PACSIN1: variants seen among roughly 807,000 people sequenced by gnomAD.
PACSIN1 encodes protein kinase C and casein kinase substrate in neurons protein 1.
In PACSIN1, 15 loss-of-function variants were observed where a neutral mutation model predicts 59.5. The ratio of observed to expected loss-of-function variants is 0.25; its 90% confidence interval spans 0.17 to 0.39. The LOEUF (loss-of-function observed/expected upper bound fraction) is 0.39. Ranked by LOEUF, PACSIN1 falls within the 10% of genes least tolerant of loss-of-function variation. PACSIN1 has a pLI of 1.00. For synonymous variants in PACSIN1, 210 were observed against 220.6 expected, an observed-to-expected ratio of 0.95 and a Z score of 0.42; for missense variants, 420 against 580.2, an observed-to-expected ratio of 0.72 and a Z score of 2.84.
In PACSIN1 at chr6:34,529,600, G is replaced by A. The variant is rs1581987984; in HGVS notation, c.612+48G>A. On this transcript the variant is annotated intron_variant, in intron 5 of 9. Coordinates refer to ENST00000244458, the MANE Select transcript of PACSIN1 (RefSeq NM_020804.5). The surrounding 1 kb of genome is among the most constrained non-coding windows in gnomAD (Gnocchi z 6.3). ...GTAGGGGGTCTGGGGGCCCCTTGCA[G>A]AGGGTGGTGGCTGGGAGCTGCAGGC... is the stretch of plus-strand genomic sequence containing the variant. The A allele has an allele frequency of 6.2e-7, 1 of 1,612,752 alleles. No homozygotes were observed. Among genetic ancestry groups the A allele is most frequent in the Non-Finnish European group, 8.5e-7 (1 of 1,178,870 alleles).
In PACSIN1 at chr6:34,516,452, C is replaced by T. The variant is rs1053603346; in HGVS notation, c.-63-9791C>T. Among the ~76,000 whole-genome samples, 11 of 152,148 alleles carry T rather than the reference C, an allele frequency of 7.2e-5. No homozygotes were observed. The highest frequency in any genetic ancestry group is 1.3e-4 in the Admixed American group (2 of 15,292). On this transcript the variant is annotated intron_variant, in intron 1 of 9. Coordinates refer to ENST00000244458, the MANE Select transcript of PACSIN1 (RefSeq NM_020804.5). The surrounding 1 kb of genome is among the most constrained non-coding windows in gnomAD (Gnocchi z 5.4). ...CTGACACTGCCTGCCCCTGCTCCTC[C>T]GAACCCCGCACTCTCCTCCTTCCTG...
At chr6:34,477,188 A>G (rs1019865498) in intron 1 of PACSIN1, among the ~76,000 whole-genome samples, 5 of 152,126 alleles carry the variant, frequency 3.3e-5, no homozygotes, top group African/African-American at 7.2e-5. Context: ...TTTGCAAAAC[A>G]TATGCAAATA....
At chr6:34,466,511 G>T (rs956950258) in intron 1 of PACSIN1, among the ~76,000 whole-genome samples, 32 of 152,302 alleles carry the variant, frequency 2.1e-4, no homozygotes, top group African/African-American at 7.5e-4. Flanking sequence ...TTGGGGGAGC[G>T]AGCTGGCATC....
At chr6:34,508,555 C>G (rs1433698097) in intron 1 of PACSIN1, among the ~76,000 whole-genome samples, 1 of 152,334 alleles carries the variant, frequency 6.6e-6, no homozygotes, top group East Asian at 1.9e-4. Context: ...GCGTGAGTCA[C>G]TGTGCCCAGC....
At position 34,529,235 on chromosome 6, in the gene PACSIN1, C is replaced by T. The variant is rs957708323; in HGVS notation, c.457-162C>T. Among the ~76,000 whole-genome samples, 2 of 151,952 alleles carry T rather than the reference C, an allele frequency of 1.3e-5. No individual in the cohort carries two copies. The highest frequency in any genetic ancestry group is 6.6e-5 in the Admixed American group (1 of 15,264). ...AGAGACGCAGCCACAAATGGAGGAG[C>T]GCTGCTCCCGAACACCTGGAGCCAG... On this transcript the variant is annotated intron_variant, in intron 4 of 9. Transcript: ENST00000244458. The surrounding 1 kb of genome is among the most constrained non-coding windows in gnomAD (Gnocchi z 6.3).
At chr6:34,496,509 A>C (rs1453966735) in intron 1 of PACSIN1, among the ~76,000 whole-genome samples, 2 of 152,204 alleles carry the variant, frequency 1.3e-5, no homozygotes, top group Non-Finnish European at 2.9e-5. Context: ...CCAGCTCCTT[A>C]GTGCTCCTTC....
chr6:34,530,655 T>G lies in PACSIN1; in HGVS notation c.1037+68T>G. ...ACACTCTGGGGCAGCTGAGTTTTGC[T>G]TCAGAAGACAAGAAATGGTCTAGAT... On this transcript the variant is annotated intron_variant, in intron 8 of 9. Transcript: ENST00000244458. The surrounding 1 kb of genome is among the most constrained non-coding windows in gnomAD (Gnocchi z 4.4). 1 of 1,442,088 alleles carries G rather than the reference T, an allele frequency of 6.9e-7. No individual in the cohort carries two copies. The highest frequency in any genetic ancestry group is 1.4e-5 in the African/African-American group (1 of 70,260). The allele number at this position is 1,442,088 out of a possible 1,614,324, so 89.3% of individuals were successfully genotyped here.
At chr6:34,528,503 G>A in intron 3 of PACSIN1, 139 bp from the exon 4 acceptor site, 1 of 681,652 alleles carries the variant, frequency 1.5e-6, no homozygotes, top group Non-Finnish European at 2.6e-6. Context: ...GTGGGCCCTA[G>A]AGGATGGGGC....
Position 34,532,346 on chromosome 6 carries a change from G to C in PACSIN1, c.1226-75G>C. On this transcript the variant is annotated intron_variant, in intron 9 of 9. Coordinates refer to ENST00000244458, the MANE Select transcript of PACSIN1 (RefSeq NM_020804.5). The surrounding 1 kb of genome is among the most constrained non-coding windows in gnomAD (Gnocchi z 5.2). ...AGTAATCAGGAGGTGGGTATTGGAG[G>C]GTTCCCCTAGCAGCCGGTGCGTTGA... is the stretch of plus-strand genomic sequence containing the variant. The C allele has an allele frequency of 1.0e-6, 1 of 996,452 alleles. No homozygotes were observed. Among genetic ancestry groups the C allele is most frequent in the Non-Finnish European group, 1.5e-6 (1 of 648,042 alleles). The allele number at this position is 996,452 out of a possible 1,614,324, so 61.7% of individuals were successfully genotyped here. A position where few individuals can be genotyped will look rare whatever the true frequency, so the allele number is the denominator to read the frequency against.
intron 1 of PACSIN1, among the ~76,000 whole-genome samples, chr6:34,485,973 T>A (rs904022745): frequency 6.6e-6 from 1 of 152,084 alleles, no homozygotes; most frequent in Non-Finnish European, 1.5e-5. Flanking sequence ...AGGAGACACA[T>A]GGGCCCGCAA....
At position 34,488,156 on chromosome 6, in the gene PACSIN1, G is replaced by A. The variant is rs1383137906; in HGVS notation, c.-64+21886G>A. Among the ~76,000 whole-genome samples, 3 of 152,174 alleles carry A rather than the reference G, an allele frequency of 2.0e-5. No individual in the cohort carries two copies. Among genetic ancestry groups the A allele is most frequent in the Admixed American group, 2.0e-4 (3 of 15,278 alleles). On this transcript the variant is annotated intron_variant, in intron 1 of 9. Coordinates refer to ENST00000244458, the MANE Select transcript of PACSIN1 (RefSeq NM_020804.5). This position sits in a 1 kb window ranked among gnomAD's most constrained non-coding sequence, Gnocchi z 4.7. Reference sequence around the variant, plus strand: ...CTTTTGAGGGGACCTGGCCCCTCATGTCTGAGGGAGTCTGAGTCTCTGGCC... The same window carrying A: ...CTTTTGAGGGGACCTGGCCCCTCATATCTGAGGGAGTCTGAGTCTCTGGCC...
intron 1 of PACSIN1, among the ~76,000 whole-genome samples, chr6:34,523,719 A>G (rs1317087723): frequency 4.6e-5 from 7 of 152,188 alleles, no homozygotes; most frequent in African/African-American, 4.8e-5. Context: ...CCCTTCAGGA[A>G]GGACATGGCG....
chr6:34,473,583 G>A (rs1766600986), intron 1 of PACSIN1, among the ~76,000 whole-genome samples: 1 of 152,086 alleles, frequency 6.6e-6, no homozygotes. Flanking sequence ...GACAAGAGGG[G>A]CAGCCGAGGC....
intron 1 of PACSIN1, among the ~76,000 whole-genome samples, chr6:34,512,577 C>T (rs531792673): frequency 6.6e-6 from 1 of 152,312 alleles, no homozygotes; most frequent in Middle Eastern, 3.4e-3. Context: ...TAGGCCTTGA[C>T]CTGAACTCCC....
intron 1 of PACSIN1, among the ~76,000 whole-genome samples, chr6:34,494,370 A>T (rs949550855): frequency 3.3e-5 from 5 of 152,156 alleles, no homozygotes; most frequent in Admixed American, 1.3e-4. Flanking sequence ...TTTAATGCAC[A>T]CAGGTGTCTT....
At chr6:34,494,128 C>T (rs1766915379) in intron 1 of PACSIN1, among the ~76,000 whole-genome samples, 1 of 152,144 alleles carries the variant, frequency 6.6e-6, no homozygotes, top group African/African-American at 2.4e-5. Flanking sequence ...GTCTGGGACA[C>T]AAAATTTACC....
chr6:34,500,330 C>A (rs1001051528), intron 1 of PACSIN1, among the ~76,000 whole-genome samples: 2 of 152,262 alleles, frequency 1.3e-5, no homozygotes, highest in South Asian at 2.1e-4. Flanking sequence ...AATTAAAAAA[C>A]GAGTGTTGCA....
rs1767565250 is a variant in PACSIN1 at position 34,530,195 on chromosome 6, G to C, written c.789-48G>C. Reference sequence around the variant, plus strand: ...GGCCTCTCACCAAGGTTGAGGAGGGGCCATGTTGAATCTGTGCCCTCCACC... The same window carrying C: ...GGCCTCTCACCAAGGTTGAGGAGGGCCCATGTTGAATCTGTGCCCTCCACC... On this transcript the variant is annotated intron_variant, in intron 6 of 9. Coordinates refer to ENST00000244458, the MANE Select transcript of PACSIN1 (RefSeq NM_020804.5). The surrounding 1 kb of genome is among the most constrained non-coding windows in gnomAD (Gnocchi z 4.4). 1 of 1,568,900 alleles carries C rather than the reference G, an allele frequency of 6.4e-7. No individual in the cohort carries two copies. The highest frequency in any genetic ancestry group is 1.3e-5 in the African/African-American group (1 of 74,172).
intron 1 of PACSIN1, among the ~76,000 whole-genome samples, chr6:34,476,207 G>T (rs949711705): frequency 6.6e-6 from 1 of 152,166 alleles, no homozygotes; most frequent in African/African-American, 2.4e-5. Context: ...ATGACAACAC[G>T]ATGTCTGTTG....
Sources: allele counts gnomAD v4.1 joint callset (sites outside exome capture counted in the v4.1 genomes callset), GRCh38; gene constraint gnomAD v4.1.1; non-coding constraint Gnocchi (gnomAD v3.1); transcripts MANE v1.5; gene names NCBI Gene and HGNC (gene_info 2026-07-23, HGNC 2026-07-21).